GALC: variants seen among roughly 807,000 people sequenced by gnomAD.
GALC encodes the protein galactocerebrosidase.
Under a neutral mutation model 91.8 loss-of-function variants are expected in GALC, and 77 were observed. That is an observed-to-expected ratio of 0.84 (90% CI 0.70 to 1.01). The LOEUF is 1.01. Ranked by LOEUF, GALC falls within the 50% of genes least tolerant of loss-of-function variation. The pLI, the probability that GALC is intolerant of heterozygous loss-of-function variation, is 0.00. For missense variants in GALC, 882 were observed against 855.9 expected, an observed-to-expected ratio of 1.03 and a Z score of -0.38; for synonymous variants, 357 against 306.7, an observed-to-expected ratio of 1.16 and a Z score of -1.71.
intron 12 of GALC, 49 bp downstream of exon 12, chr14:87,949,796 T>G: frequency 1.1e-6 from 1 of 880,484 alleles, no homozygotes; most frequent in Non-Finnish European, 1.9e-6. Context: ...GCCCTTTTAC[T>G]GTTTTACTGT....
At chr14:87,941,250 T>C in intron 15 of GALC, 145 bp downstream of exon 15, 3 of 644,642 alleles carry the variant, frequency 4.7e-6, no homozygotes, top group Non-Finnish European at 8.2e-6. Context: ...GTAAACTATT[T>C]GGTATTTGCT....
At chr14:87,980,496 T>A (rs1330105327) in intron 6 of GALC, 4 of 982,778 alleles carry the variant, frequency 4.1e-6, no homozygotes, top group Non-Finnish European at 4.8e-6. Context: ...TTCCCCCATA[T>A]CCCTTTACCT....
At position 87,934,439 on chromosome 14, in the gene GALC, G is replaced by T; in HGVS notation, c.*293C>A. The T allele has an allele frequency of 1.5e-6, 2 of 1,311,970 alleles. No homozygotes were observed. The highest frequency in any genetic ancestry group is 2.0e-6 in the Non-Finnish European group (2 of 1,025,064). The allele number at this position is 1,311,970 out of a possible 1,614,324, so 81.3% of individuals were successfully genotyped here. A position where few individuals can be genotyped will look rare whatever the true frequency, so the allele number is the denominator to read the frequency against. ...GAGCTACCTCAGTGTTAGCAGCAAG[G>T]CTTCGAGGTCTGTACTACTCAAACC... On this transcript the variant is annotated 3_prime_UTR_variant, in exon 17 of 17. Coordinates refer to ENST00000261304, the MANE Select transcript of GALC (RefSeq NM_000153.4).
intron 16 of GALC, 48 bp downstream of exon 16, chr14:87,939,857 C>T (rs1884759940): frequency 7.4e-6 from 9 of 1,220,612 alleles, no homozygotes; most frequent in Non-Finnish European, 1.1e-5. Context: ...TATAGAAATG[C>T]ACAACAAAAG....
chr14:87,947,606 G>T, intron 13 of GALC, 122 bp downstream of exon 13: 2 of 914,044 alleles, frequency 2.2e-6, no homozygotes, highest in Non-Finnish European at 1.8e-6. Context: ...CATATGAGAT[G>T]TAGGAGGTAA....
chr14:87,934,869 T>C lies in GALC; in HGVS notation c.1921A>G (p.Thr641Ala), dbSNP rs421262. The part of the protein sequence containing the change: ...TLTLTIKGHF[T>A]SGMLNDKSLW... ...GACTTGTCATTCAGCATGCCAGAGG[T>C]GAAATGACCCTAGAGTAGAAAGAAA... is the stretch of plus-strand genomic sequence containing the variant. Residue 641 changes from threonine to alanine, a missense_variant, in exon 17 of 17, where the codon ACC becomes GCC. Coordinates refer to ENST00000261304, the MANE Select transcript of GALC (RefSeq NM_000153.4). 1,594,070 of 1,609,350 alleles carry C rather than the reference T, an allele frequency of 0.99. 790,270 individuals carry two copies. The highest frequency in any genetic ancestry group is 1 in the Non-Finnish European group (1,175,619 of 1,176,128).
intron 10 of GALC, chr14:87,955,207 C>T (rs1885477105): frequency 8.7e-7 from 1 of 1,153,866 alleles, no homozygotes; most frequent in African/African-American, 1.5e-5. Flanking sequence ...TTTCTGAGGC[C>T]AGAGGAAGAA....
chr14:87,973,815 C>T (rs1886390459), intron 7 of GALC, among the ~76,000 whole-genome samples: 1 of 152,140 alleles, frequency 6.6e-6, no homozygotes, highest in South Asian at 2.1e-4. Flanking sequence ...GGCCTCCATC[C>T]ATCGGATTCC....
chr14:87,936,560 C>A (rs772640342), intron 16 of GALC, among the ~76,000 whole-genome samples: 1 of 151,810 alleles, frequency 6.6e-6, no homozygotes, highest in Non-Finnish European at 1.5e-5. Flanking sequence ...AAGTTGCCAA[C>A]CCCTGTCCTA....
intron 3 of GALC, chr14:87,987,871 T>C (rs944931454): frequency 6.8e-6 from 3 of 441,970 alleles, no homozygotes; most frequent in East Asian, 4.2e-5. Context: ...CTGTCCTGTA[T>C]ATATAGGTTT....
chr14:87,940,939 A>T (rs755680777), intron 15 of GALC, among the ~76,000 whole-genome samples: 4 of 151,994 alleles, frequency 2.6e-5, no homozygotes, highest in Admixed American at 2.6e-4. Context: ...AGAAAAGTCA[A>T]GCTATTTTCA....
chr14:87,975,658 T>C (rs1048415252), intron 7 of GALC, among the ~76,000 whole-genome samples: 1 of 152,120 alleles, frequency 6.6e-6, no homozygotes, highest in Admixed American at 6.5e-5. Context: ...ATTCTGCCTA[T>C]TTTTGTGTAC....
intron 14 of GALC, among the ~76,000 whole-genome samples, chr14:87,944,715 T>G (rs983753119): frequency 6.6e-6 from 1 of 151,902 alleles, no homozygotes; most frequent in African/African-American, 2.4e-5. Context: ...TAACTGGGAG[T>G]AAGGCACTTC....
chr14:87,955,051 C>A, intron 10 of GALC: 1 of 1,347,978 alleles, frequency 7.4e-7, no homozygotes, highest in Non-Finnish European at 1.1e-6. Context: ...AGACCTGTTA[C>A]ACTCCTTGTC....
At chr14:87,984,272 C>T (rs1246627912) in intron 5 of GALC, 122 bp downstream of exon 5, 3 of 927,832 alleles carry the variant, frequency 3.2e-6, no homozygotes, top group Non-Finnish European at 4.9e-6. Flanking sequence ...TATCAGACAC[C>T]ATTAGAACAA....
chr14:87,954,058 A>T, intron 10 of GALC: 3 of 1,609,900 alleles, frequency 1.9e-6, no homozygotes, highest in Non-Finnish European at 2.5e-6. Flanking sequence ...ACAGTACTAC[A>T]ATCAACATTT....
chr14:87,984,061 A>C (rs79653503), intron 5 of GALC, among the ~76,000 whole-genome samples: 17,085 of 151,156 alleles, frequency 0.11, 1,130 homozygotes, highest in Non-Finnish European at 0.16. Flanking sequence ...TAAGCTGTAT[A>C]GGAAACACAA....
In GALC at chr14:87,957,634, T is replaced by C. The variant is rs1384586103; in HGVS notation, c.1161+5750A>G. Among the ~76,000 whole-genome samples the C allele has an allele frequency of 4.6e-5, 7 of 152,114 alleles. No homozygotes were observed. In the East Asian group the frequency reaches 1.2e-3, roughly 25 times the overall value. ...GTTGATACATGACTGCTAGATCTGA[T>C]AAATGAATTCAGTAAAGTTTCAAGT... On this transcript the variant is annotated intron_variant, in intron 10 of 16. Transcript: ENST00000261304.
chr14:87,934,212 A>G lies in GALC; in HGVS notation c.*520T>C. 1 of 1,394,670 alleles carries G rather than the reference A, an allele frequency of 7.2e-7. No homozygotes were observed. The highest frequency in any genetic ancestry group is 9.3e-7 in the Non-Finnish European group (1 of 1,077,550). 86.4% of individuals were successfully genotyped at this position (1,394,670 alleles called of 1,614,324 possible). ...TCATCTTAAAAAGGAAAATAAAAAA[A>G]TACTTTTTAGAGCATAAAGCATAAC... On this transcript the variant is annotated 3_prime_UTR_variant, in exon 17 of 17. Transcript: ENST00000261304.
Sources: gnomAD v4.1 joint callset for allele counts (sites outside exome capture counted in the v4.1 genomes callset) on GRCh38, gnomAD v4.1.1 for gene constraint, MANE v1.5 for transcripts, NCBI Gene and HGNC (gene_info 2026-07-23, HGNC 2026-07-21) for gene names.